TARS2: variants seen among roughly 807,000 people sequenced by gnomAD.
TARS2 encodes the protein threonine--tRNA ligase, mitochondrial.
TARS2 carries 61 observed loss-of-function variants against 94.4 expected under a neutral mutation model. The ratio of observed to expected loss-of-function variants is 0.65; its 90% CI spans 0.53 to 0.80. TARS2 has a LOEUF of 0.80. Among genes scored for constraint, TARS2 ranks in the 30% least tolerant of loss-of-function variants. TARS2 has a pLI of 0.00. For missense variants in TARS2, 704 were observed against 902.5 expected (o/e 0.78, Z 2.82); for synonymous variants, 359 against 353.4 (o/e 1.02, Z -0.18).
chr1:150,491,792 A>C (rs1669397350), intron 6 of TARS2, 130 bp downstream of exon 6: 1 of 670,900 alleles, frequency 1.5e-6, no homozygotes, highest in Admixed American at 3.4e-5. Context: ...ATGGGAATTG[A>C]TTTTTTTTTT....
At chr1:150,494,261 A>G (rs12023277) in intron 7 of TARS2, among the ~76,000 whole-genome samples, 88,084 of 151,510 alleles carry the variant, frequency 0.58, 26,012 homozygotes, top group Non-Finnish European at 0.62. Context: ...CAGCTACAAA[A>G]AAGGCTGAGG....
intron 6 of TARS2, chr1:150,491,873 CA>C: frequency 2.0e-6 from 1 of 509,498 alleles, no homozygotes; most frequent in Non-Finnish European, 3.5e-6. Flanking sequence ...CGGCTCACTG[CA>C]ACCTCCGCCT....
At chr1:150,495,336 TAC>T (rs145397075) in intron 7 of TARS2, among the ~76,000 whole-genome samples, 39 of 150,478 alleles carry the variant, frequency 2.6e-4, no homozygotes, top group African/African-American at 8.3e-4. Context: ...CAGATGTATA[TAC>T]ACACACACAC....
At chr1:150,506,574 G>GACACAC (rs59687878) in intron 17 of TARS2, among the ~76,000 whole-genome samples, 121 of 109,160 alleles carry the variant, frequency 1.1e-3, no homozygotes, top group African/African-American at 3.6e-3. Flanking sequence ...TAATGTCTCT[G>GACACAC]ACACACACAC....
chr1:150,494,997 C>A (rs1440697912), intron 7 of TARS2, among the ~76,000 whole-genome samples: 1 of 151,452 alleles, frequency 6.6e-6, no homozygotes, highest in Non-Finnish European at 1.5e-5. Flanking sequence ...CTGGCTAACA[C>A]GGTGAAACCC....
chr1:150,505,430 A>G (rs1363595665), intron 16 of TARS2, among the ~76,000 whole-genome samples, 161 bp from the exon 17 acceptor site: 4 of 152,156 alleles, frequency 2.6e-5, no homozygotes, highest in African/African-American at 9.7e-5. Flanking sequence ...GGAGGCCTCA[A>G]TGTGGAGATG....
chr1:150,501,342 A>G (rs587635109), intron 13 of TARS2, among the ~76,000 whole-genome samples: 1,733 of 96,904 alleles, frequency 0.018, 84 homozygotes, highest in African/African-American at 0.067. Context: ...TATTGAGACT[A>G]TGTCTCGCTC....
chr1:150,498,106 AAAAG>A (rs973838172), intron 10 of TARS2, among the ~76,000 whole-genome samples: 23 of 152,002 alleles, frequency 1.5e-4, no homozygotes, highest in East Asian at 7.7e-4. Flanking sequence ...AAAAAAAAAA[AAAAG>A]AAAGCACCTT....
intron 7 of TARS2, among the ~76,000 whole-genome samples, chr1:150,495,648 C>A (rs927101083): frequency 1.4e-4 from 21 of 151,978 alleles, no homozygotes; most frequent in African/African-American, 4.3e-4. Context: ...CCCACCTCAG[C>A]CCCCCAAAGT....
intron 3 of TARS2, among the ~76,000 whole-genome samples, chr1:150,489,899 G>A (rs587674892): frequency 1.6e-4 from 25 of 152,126 alleles, no homozygotes; most frequent in Admixed American, 1.3e-4. Flanking sequence ...CTGAGATCGC[G>A]TCATTGCACT....
chr1:150,503,685 GTATA>G (rs1207042742), intron 13 of TARS2, among the ~76,000 whole-genome samples: 4 of 148,010 alleles, frequency 2.7e-5, no homozygotes, highest in African/African-American at 7.5e-5. Context: ...GTATATATGT[GTATA>G]TATATGTGTG....
chr1:150,504,919 T>C lies in TARS2; in HGVS notation c.1834T>C (p.Ser612Pro). 6.2e-7 allele frequency: 1 copy of C among 1,614,176 alleles called. No homozygotes were observed. The highest frequency in any genetic ancestry group is 8.5e-7 in the Non-Finnish European group (1 of 1,180,040). ...SCGGKWPLWL[S>P]PFQVVVIPVG... is the part of the protein sequence containing the mutation. ...TTTCCCTACCAGGCCACTGTGGCTGTCCCCGTTCCAGGTGGTGGTCATCCC... is the reference window on the plus strand; with the variant it reads ...TTTCCCTACCAGGCCACTGTGGCTGCCCCCGTTCCAGGTGGTGGTCATCCC... The change falls in exon 16 of 18, where the codon TCC becomes CCC. Residue 612 changes from serine to proline, a missense_variant. By Grantham distance (74) the Ser-to-Pro change is moderately conservative (BLOSUM62 -1). Transcript: ENST00000369064.
chr1:150,488,066 A>AT lies in TARS2; in HGVS notation c.263+13dup. ...GCCCGGCAGATCAGGTAACAGGCCC[A>AT]TCCTGTAACTACCAGGATTATCCTT... is the stretch of plus-strand genomic sequence containing the variant. On this transcript the variant is annotated intron_variant, in intron 2 of 17. Transcript: ENST00000369064. 6.2e-7 allele frequency: 1 copy of AT among 1,612,704 alleles called. No individual in the cohort carries two copies. The highest frequency in any genetic ancestry group is 8.5e-7 in the Non-Finnish European group (1 of 1,179,214).
At chr1:150,500,244 G>A (rs1375767241) in intron 13 of TARS2, among the ~76,000 whole-genome samples, 3 of 152,090 alleles carry the variant, frequency 2.0e-5, no homozygotes, top group African/African-American at 7.2e-5. Context: ...AAAGGCTGCT[G>A]GATTTCAAAG....
At chr1:150,487,737 A>G (rs1021563497) in intron 1 of TARS2, 121 bp from the exon 2 acceptor site, 19 of 1,394,746 alleles carry the variant, frequency 1.4e-5, no homozygotes, top group Middle Eastern at 2.6e-4. Flanking sequence ...GTATCACCCA[A>G]TCCCCTTAAA....
chr1:150,493,195 A>G (rs1018400454), intron 7 of TARS2, among the ~76,000 whole-genome samples: 15 of 152,164 alleles, frequency 9.9e-5, no homozygotes, highest in African/African-American at 3.6e-4. Context: ...TGAGCGGGGA[A>G]TACAGGAGAA....
intron 3 of TARS2, among the ~76,000 whole-genome samples, chr1:150,489,461 C>G (rs1669285037): frequency 6.6e-6 from 1 of 152,174 alleles, no homozygotes; most frequent in Admixed American, 6.5e-5. Flanking sequence ...CCCACCTTGT[C>G]TTCTTCATGT....
chr1:150,497,694 C>G lies in TARS2; in HGVS notation c.1185C>G (p.Thr395=), dbSNP rs764142546. ...RPPSSQSDDS[T]RHITDTLALK... The stretch of plus-strand genomic sequence containing the variant: ...CCAGCTCCCAGAGTGACGATTCTAC[C>G]AGGCATATCACAGATACACTCGCCC... The change falls in exon 10 of 18, where the codon ACC becomes ACG. Residue 395 remains threonine, a synonymous_variant. Transcript: ENST00000369064. 1 of 1,614,160 alleles carries G rather than the reference C, an allele frequency of 6.2e-7. No homozygotes were observed. Among genetic ancestry groups the G allele is most frequent in the African/African-American group, 1.3e-5 (1 of 75,044 alleles).
intron 7 of TARS2, among the ~76,000 whole-genome samples, chr1:150,493,819 A>G (rs1669515568): frequency 6.6e-6 from 1 of 151,576 alleles, no homozygotes; most frequent in Non-Finnish European, 1.5e-5. Context: ...GAATGGGATG[A>G]GTTACAAGGG....
Sources: gnomAD v4.1 joint callset for allele counts (sites outside exome capture counted in the v4.1 genomes callset) on GRCh38, gnomAD v4.1.1 for gene constraint, MANE v1.5 for transcripts, NCBI Gene and HGNC (gene_info 2026-07-23, HGNC 2026-07-21) for gene names.